Variants in RAB44 observed in about 807,000 individuals in gnomAD.
RAB44 encodes ras-related protein Rab-44.
In RAB44, 67 loss-of-function variants were observed where a neutral mutation model predicts 93.3. The ratio of observed to expected loss-of-function variants is 0.72; its 90% CI spans 0.59 to 0.88. RAB44 has a LOEUF of 0.88. Ranked by LOEUF, RAB44 falls within the 40% of genes least tolerant of loss-of-function variation. The pLI is 0.00. For missense variants in RAB44, 1,064 were observed against 1,261.7 expected, an observed-to-expected ratio of 0.84 and a Z score of 2.37; for synonymous variants, 427 against 520.3, an observed-to-expected ratio of 0.82 and a Z score of 2.44.
chr6:36,725,721 G>T, intron 9 of RAB44, 141 bp from the exon 10 acceptor site: 1 of 644,062 alleles, frequency 1.6e-6, no homozygotes, highest in East Asian at 2.8e-5. Flanking sequence ...TGGATGGGAT[G>T]CAGAGCCGAG....
chr6:36,728,882 G>A (rs1185122679), intron 12 of RAB44, 81 bp downstream of exon 12: 2 of 1,168,350 alleles, frequency 1.7e-6, no homozygotes, highest in Admixed American at 4.0e-5. Flanking sequence ...GGCATCACCT[G>A]ACCTGGGCAG....
intron 3 of RAB44, 72 bp downstream of exon 3, chr6:36,714,011 G>A: frequency 2.0e-6 from 2 of 1,004,138 alleles, no homozygotes; most frequent in South Asian, 2.8e-5. Context: ...GGGCTAGGCT[G>A]GGTCGTTAGA....
intron 2 of RAB44, 41 bp from the exon 3 acceptor site, chr6:36,713,786 TC>T (rs1762842280): frequency 6.3e-6 from 8 of 1,279,096 alleles, no homozygotes; most frequent in Admixed American, 2.0e-5. Context: ...GTGAGAGCCT[TC>T]CCCGGTGGGA....
chr6:36,724,357 G>T (rs1325078155), intron 9 of RAB44, among the ~76,000 whole-genome samples: 1 of 151,886 alleles, frequency 6.6e-6, no homozygotes, highest in Non-Finnish European at 1.5e-5. Flanking sequence ...TAGTAGAGAT[G>T]AAGTTTCACC....
At chr6:36,721,120 C>T (rs746311455) in intron 8 of RAB44, 31 bp from the exon 9 acceptor site, 185 of 1,234,276 alleles carry the variant, frequency 1.5e-4, no homozygotes, top group Non-Finnish European at 1.3e-4. Context: ...CCTGCCCCTC[C>T]CCGATCTTTG....
chr6:36,722,085 G>A lies in RAB44; in HGVS notation c.1951G>A (p.Glu651Lys). ...VQEGLPEGLR[E>K]AHGQVLGLGE... is the part of the protein sequence containing the mutation. ...GGAGGGCCTTCCTGAGGGGCTAAGA[G>A]AAGCTCATGGCCAGGTCCTTGGGCT... The change falls in exon 9 of 14, where the codon GAA becomes AAA. Residue 651 changes from glutamate to lysine, a missense_variant. Physicochemically the swap from Glu to Lys is moderately conservative, Grantham distance 56 (BLOSUM62 1). Transcript: ENST00000612677. The A allele has an allele frequency of 3.2e-6, 4 of 1,231,266 alleles. No homozygotes were observed. The highest frequency in any genetic ancestry group is 4.0e-6 in the Non-Finnish European group (4 of 988,664). The allele number at this position is 1,231,266 out of a possible 1,614,324, so 76.3% of individuals were successfully genotyped here. A position where few individuals can be genotyped will look rare whatever the true frequency, so the allele number is the denominator to read the frequency against.
rs1392094090 is a variant in RAB44 at position 36,718,534 on chromosome 6, C to T, written c.774C>T (p.Asp258=). The T allele has an allele frequency of 1.6e-5, 20 of 1,233,918 alleles. No homozygotes were observed. The highest frequency in any genetic ancestry group is 6.2e-5 in the African/African-American group (4 of 64,464). The allele number at this position is 1,233,918 out of a possible 1,614,324, so 76.4% of individuals were successfully genotyped here. ...TGGCCCTCACCTCCCAGATGCAGGA[C>T]GTCCTAGAGGCCAAGGAGCGCGAGG... The part of the protein sequence containing the change: ...RGLALTSQMQ[D]VLEAKEREVQ... The change falls in exon 7 of 14, where the codon GAC becomes GAT. Residue 258 remains aspartate (D), a synonymous_variant. Coordinates refer to ENST00000612677, the MANE Select transcript of RAB44 (RefSeq NM_001257357.2).
Position 36,722,566 on chromosome 6 carries a change from C to G in RAB44, c.2432C>G (p.Ala811Gly). The part of the protein sequence containing the change: ...LEDPGMDSRE[A>G]GLTPSPGDPM... The stretch of plus-strand genomic sequence containing the variant: ...GATCCAGGAATGGACTCCAGGGAAG[C>G]TGGGCTGACCCCATCCCCGGGAGAC... The change falls in exon 9 of 14, where the codon GCT (alanine) becomes GGT (glycine). Residue 811 changes from alanine (A) to glycine (G), a missense_variant. Coordinates refer to ENST00000612677, the MANE Select transcript of RAB44 (RefSeq NM_001257357.2). 6.5e-7 allele frequency: 1 copy of G among 1,549,306 alleles called. No homozygotes were observed. The highest frequency in any genetic ancestry group is 8.7e-7 in the Non-Finnish European group (1 of 1,146,226).
At chr6:36,721,123 G>A (rs1212471295) in intron 8 of RAB44, 28 bp from the exon 9 acceptor site, 35 of 1,234,150 alleles carry the variant, frequency 2.8e-5, no homozygotes, top group Non-Finnish European at 3.4e-5. Flanking sequence ...GCCCCTCCCC[G>A]ATCTTTGCTT....
Position 36,720,509 on chromosome 6 carries a change from C to A in RAB44, c.975C>A (p.Ala325=). The A allele has an allele frequency of 8.1e-7, 1 of 1,233,546 alleles. No homozygotes were observed. Among genetic ancestry groups the A allele is most frequent in the Non-Finnish European group, 1.0e-6 (1 of 988,214 alleles). The allele number at this position is 1,233,546 out of a possible 1,614,324, so 76.4% of individuals were successfully genotyped here. Residue 325 remains alanine (A), a synonymous_variant, in exon 8 of 14, where the codon GCC becomes GCA. Transcript: ENST00000612677. ...AGGTGACCAGGGGGCGCCTGGACGC[C>A]GCCAGGGGCCGGGTGTCCTGGCAGG... ...QLQVTRGRLD[A]ARGRVSWQVE...
intron 1 of RAB44, among the ~76,000 whole-genome samples, chr6:36,701,794 G>A (rs897761749): frequency 2.6e-5 from 4 of 152,072 alleles, no homozygotes; most frequent in East Asian, 3.9e-4. Context: ...CTCTGCTGGG[G>A]TGTACAAGGT....
At chr6:36,710,014 C>T (rs1762742194) in intron 2 of RAB44, among the ~76,000 whole-genome samples, 1 of 152,174 alleles carries the variant, frequency 6.6e-6, no homozygotes, top group Non-Finnish European at 1.5e-5. Flanking sequence ...ATCCCTAACA[C>T]AACTTTTAAA....
chr6:36,732,378 A>C lies in RAB44; in HGVS notation c.*285A>C. ...CGACTTAAGGAAAATACACCAAAAT[A>C]TTGGCCGCACATCTGTGGGTGTAAA... is the stretch of plus-strand genomic sequence containing the variant. On this transcript the variant is annotated 3_prime_UTR_variant, in exon 14 of 14. Coordinates refer to ENST00000612677, the MANE Select transcript of RAB44 (RefSeq NM_001257357.2). 3.4e-5 allele frequency: 6 copies of C among 174,174 alleles called. No individual in the cohort carries two copies. The highest frequency in any genetic ancestry group is 3.1e-4 in the East Asian group (2 of 6,498). The allele number at this position is 174,174 out of a possible 1,614,324, so 10.8% of individuals were successfully genotyped here.
intron 12 of RAB44, among the ~76,000 whole-genome samples, chr6:36,730,201 G>A (rs750465530): frequency 4.6e-4 from 70 of 152,130 alleles, no homozygotes; most frequent in Non-Finnish European, 8.7e-4. Context: ...AACTGTACAG[G>A]ACAGTTAGCC....
Position 36,732,001 on chromosome 6 carries a change from A to G in RAB44, c.2976-2A>G. On this transcript the variant is annotated splice_acceptor_variant, in intron 13 of 13. Transcript: ENST00000612677. LOFTEE classifies it high-confidence loss of function. ...GGCCTGATGCCTGGCACTGTCACATAGGTCACTCAGGATGCAAGAAGAAGG... is the reference window on the plus strand; with the variant it reads ...GGCCTGATGCCTGGCACTGTCACATGGGTCACTCAGGATGCAAGAAGAAGG... 8.1e-7 allele frequency: 1 copy of G among 1,233,848 alleles called. No individual in the cohort carries two copies. The highest frequency in any genetic ancestry group is 4.1e-5 in the South Asian group (1 of 24,392). The allele number at this position is 1,233,848 out of a possible 1,614,324, so 76.4% of individuals were successfully genotyped here. A position where few individuals can be genotyped will look rare whatever the true frequency, so the allele number is the denominator to read the frequency against.
At chr6:36,711,902 C>CAA (rs745886701) in intron 2 of RAB44, among the ~76,000 whole-genome samples, 137 of 94,142 alleles carry the variant, frequency 1.5e-3, no homozygotes, top group African/African-American at 4.8e-3. Flanking sequence ...GACTCCATCT[C>CAA]AAAAAAAAAA....
At chr6:36,706,814 C>T (rs1225428230) in intron 2 of RAB44, among the ~76,000 whole-genome samples, 8 of 151,814 alleles carry the variant, frequency 5.3e-5, no homozygotes, top group Non-Finnish European at 1.2e-4. Flanking sequence ...GCAACCTCCG[C>T]CTCCTGGGTT....
intron 1 of RAB44, among the ~76,000 whole-genome samples, chr6:36,702,319 AGAGAGAGAGAGAGAGAGAG>A (rs1186452721): frequency 5.1e-4 from 57 of 111,188 alleles, no homozygotes; most frequent in East Asian, 6.5e-4. Flanking sequence ...AGAGAGAGAG[AGAGAGAGAGAGAGAGAGAG>A]AATGTACTTC....
intron 2 of RAB44, among the ~76,000 whole-genome samples, chr6:36,713,151 G>A (rs1762828479): frequency 6.6e-6 from 1 of 152,154 alleles, no homozygotes; most frequent in Admixed American, 6.5e-5. Context: ...TGTAGGCCAT[G>A]ATATATAAAA....
Sources: gnomAD v4.1 joint callset for allele counts (sites outside exome capture counted in the v4.1 genomes callset) on GRCh38, gnomAD v4.1.1 for gene constraint, MANE v1.5 for transcripts, NCBI Gene and HGNC (gene_info 2026-07-23, HGNC 2026-07-21) for gene names.